Variants in NEK4 observed in about 807,000 individuals in gnomAD.
NEK4 encodes serine/threonine-protein kinase Nek4.
Under a neutral mutation model 98.4 loss-of-function variants are expected in NEK4, and 86 were observed. That is an observed-to-expected ratio of 0.87 (90% CI 0.73 to 1.05). The LOEUF (loss-of-function observed/expected upper bound fraction) is 1.05, where lower values mean the gene tolerates loss of function less well. Among genes scored for constraint, NEK4 ranks in the 50% least tolerant of loss-of-function variants. NEK4 has a pLI of 0.00. For synonymous variants in NEK4, 328 were observed against 342.2 expected (o/e 0.96, Z 0.46); for missense variants, 898 against 950.3 (o/e 0.94, Z 0.72).
intron 15 of NEK4, among the ~76,000 whole-genome samples, chr3:52,717,929 G>A (rs1316685625): frequency 6.6e-6 from 1 of 151,846 alleles, no homozygotes; most frequent in East Asian, 2.0e-4. Context: ...GAGTAGCTGG[G>A]ATTACAGGCG....
intron 6 of NEK4, among the ~76,000 whole-genome samples, chr3:52,755,568 C>G (rs559370535): frequency 6.6e-6 from 1 of 151,492 alleles, no homozygotes; most frequent in East Asian, 1.9e-4. Context: ...ATATGAAACA[C>G]CCACAGTAAA....
intron 5 of NEK4, among the ~76,000 whole-genome samples, chr3:52,762,623 A>G (rs1698398533): frequency 6.6e-6 from 1 of 152,184 alleles, no homozygotes; most frequent in South Asian, 2.1e-4. Context: ...GGTTCTTTAA[A>G]AAGTAAGTGC....
intron 15 of NEK4, chr3:52,734,953 G>C: frequency 4.9e-6 from 1 of 204,558 alleles, no homozygotes; most frequent in Non-Finnish European, 1.0e-5. Context: ...CAGAAACCAA[G>C]AGGATTTGGC....
At chr3:52,764,587 C>T (rs1363160110) in intron 4 of NEK4, among the ~76,000 whole-genome samples, 1 of 151,404 alleles carries the variant, frequency 6.6e-6, no homozygotes, top group African/African-American at 2.4e-5. Flanking sequence ...GCTGAGATTG[C>T]ACCACTGCAC....
chr3:52,720,359 T>A (rs1401439990), intron 15 of NEK4, among the ~76,000 whole-genome samples: 3 of 152,140 alleles, frequency 2.0e-5, no homozygotes, highest in Non-Finnish European at 2.9e-5. Flanking sequence ...AAAAAAATTT[T>A]AAGAAATAAT....
intron 6 of NEK4, chr3:52,753,616 A>G: frequency 1.7e-6 from 1 of 581,214 alleles, no homozygotes; most frequent in Non-Finnish European, 3.4e-6. Flanking sequence ...CCAGTCTTTG[A>G]TGAACTATGC....
At chr3:52,719,732 ATTAAT>A (rs760364809) in intron 15 of NEK4, among the ~76,000 whole-genome samples, 5 of 152,146 alleles carry the variant, frequency 3.3e-5, no homozygotes, top group Non-Finnish European at 7.3e-5. Flanking sequence ...GAAAAAAATT[ATTAAT>A]TTAAAGACCC....
intron 7 of NEK4, 42 bp downstream of exon 7, chr3:52,751,890 C>T (rs1286449511): frequency 6.4e-7 from 1 of 1,552,938 alleles, no homozygotes; most frequent in East Asian, 2.3e-5. Flanking sequence ...CACTTTCAGT[C>T]TTCTCTCCAA....
intron 2 of NEK4, 119 bp downstream of exon 2, chr3:52,768,219 G>T: frequency 1.1e-6 from 1 of 901,880 alleles, no homozygotes. Context: ...CTTCACAAAT[G>T]AATTTTCCAA....
intron 15 of NEK4, among the ~76,000 whole-genome samples, chr3:52,736,215 G>A (rs564850890): frequency 1.6e-4 from 24 of 152,052 alleles, no homozygotes; most frequent in Middle Eastern, 3.4e-3. Context: ...TATTTTTGGC[G>A]GGGGGGAATT....
intron 12 of NEK4, 72 bp downstream of exon 12, chr3:52,743,280 T>G: frequency 8.6e-7 from 1 of 1,162,674 alleles, no homozygotes; most frequent in Admixed American, 1.8e-5. Context: ...GAGCTGACAT[T>G]TAAAAGGTTT....
intron 15 of NEK4, among the ~76,000 whole-genome samples, chr3:52,727,372 C>A (rs1432357195): frequency 6.6e-6 from 1 of 152,182 alleles, no homozygotes; most frequent in East Asian, 1.9e-4. Context: ...CACAAATTGT[C>A]TCAATAGATT....
intron 1 of NEK4, 76 bp downstream of exon 1, chr3:52,770,578 G>A: frequency 1.8e-6 from 2 of 1,128,088 alleles, no homozygotes; most frequent in East Asian, 2.7e-5. Flanking sequence ...GACCACCCCC[G>A]ACCTAATCTA....
chr3:52,733,585 G>A (rs1186116241), intron 15 of NEK4: 9 of 513,040 alleles, frequency 1.8e-5, no homozygotes, highest in Non-Finnish European at 2.3e-5. Flanking sequence ...ATAATTCATA[G>A]TACAGAGAAG....
At chr3:52,714,753 G>A (rs567162585) in intron 15 of NEK4, among the ~76,000 whole-genome samples, 2 of 152,210 alleles carry the variant, frequency 1.3e-5, no homozygotes, top group African/African-American at 4.8e-5. Context: ...AACTGCCCCC[G>A]CAGGCTCGGG....
intron 6 of NEK4, 22 bp from the exon 7 acceptor site, chr3:52,752,358 A>G: frequency 6.2e-7 from 1 of 1,600,730 alleles, no homozygotes; most frequent in Non-Finnish European, 8.5e-7. Context: ...GATGTTTGGA[A>G]ATTATTATAG....
intron 15 of NEK4, among the ~76,000 whole-genome samples, chr3:52,718,008 G>C (rs1444670350): frequency 1.3e-5 from 2 of 151,888 alleles, no homozygotes; most frequent in Non-Finnish European, 2.9e-5. Context: ...TGGCCAGGCT[G>C]GTCTCAAACT....
At chr3:52,727,585 G>A (rs1036917017) in intron 15 of NEK4, among the ~76,000 whole-genome samples, 7 of 152,154 alleles carry the variant, frequency 4.6e-5, no homozygotes, top group Non-Finnish European at 8.8e-5. Flanking sequence ...AAGCAATTCC[G>A]CCTCAGCCTC....
At chr3:52,729,865 C>T (rs1432062419) in intron 15 of NEK4, among the ~76,000 whole-genome samples, 1 of 151,970 alleles carries the variant, frequency 6.6e-6, no homozygotes, top group Non-Finnish European at 1.5e-5. Context: ...AATCCCAACA[C>T]TTTGGGAAGC....
Sources: gnomAD v4.1 joint callset for allele counts (sites outside exome capture counted in the v4.1 genomes callset) on GRCh38, gnomAD v4.1.1 for gene constraint, MANE v1.5 for transcripts, NCBI Gene and HGNC (gene_info 2026-07-23, HGNC 2026-07-21) for gene names.